The following PRKACB variants were observed in gnomAD, a reference collection of about 807,000 sequenced individuals.
The protein encoded by PRKACB is protein kinase cAMP-activated catalytic subunit beta.
PRKACB carries 16 observed loss-of-function variants against 51.4 expected under a neutral mutation model. That is an observed-to-expected ratio of 0.31 (90% CI 0.21 to 0.47). The LOEUF is 0.47. Ranked by LOEUF, PRKACB falls within the 20% of genes least tolerant of loss-of-function variation. The pLI is 1.00. For missense variants in PRKACB, 309 were observed against 464.5 expected, an observed-to-expected ratio of 0.67 and a Z score of 3.08; for synonymous variants, 147 against 154.4, an observed-to-expected ratio of 0.95 and a Z score of 0.35.
chr1:84,226,159 T>G (rs1212467566), intron 9 of PRKACB, among the ~76,000 whole-genome samples: 1 of 152,194 alleles, frequency 6.6e-6, no homozygotes, highest in Non-Finnish European at 1.5e-5. Flanking sequence ...TTGCCCCATA[T>G]GCATTATTTT....
intron 7 of PRKACB, among the ~76,000 whole-genome samples, chr1:84,198,892 G>GTA (rs923510581): frequency 1.2e-4 from 18 of 146,328 alleles, no homozygotes; most frequent in African/African-American, 3.3e-4. Flanking sequence ...GTATATATGT[G>GTA]TATATATATA....
chr1:84,110,973 A>G (rs371575881), intron 1 of PRKACB, among the ~76,000 whole-genome samples: 105 of 151,984 alleles, frequency 6.9e-4, no homozygotes, highest in African/African-American at 2.4e-3. Flanking sequence ...CTTCATTTCT[A>G]ATTTCACTGA....
At chr1:84,099,998 T>C (rs1259925727) in intron 1 of PRKACB, among the ~76,000 whole-genome samples, 1 of 152,104 alleles carries the variant, frequency 6.6e-6, no homozygotes, top group Non-Finnish European at 1.5e-5. Context: ...GTAGGGAACT[T>C]TATATTTGTC....
intron 8 of PRKACB, among the ~76,000 whole-genome samples, chr1:84,212,279 A>G (rs1221837719): frequency 6.7e-6 from 1 of 150,324 alleles, no homozygotes; most frequent in Admixed American, 6.6e-5. Context: ...AGGAATCTAC[A>G]TTTTTATCCT....
At chr1:84,105,000 C>T (rs1649618951) in intron 1 of PRKACB, among the ~76,000 whole-genome samples, 1 of 152,092 alleles carries the variant, frequency 6.6e-6, no homozygotes, top group African/African-American at 2.4e-5. Flanking sequence ...TAAAAAGTCT[C>T]AAGTGGGACT....
At chr1:84,161,308 T>G (rs1473757226) in intron 1 of PRKACB, among the ~76,000 whole-genome samples, 2 of 151,914 alleles carry the variant, frequency 1.3e-5, no homozygotes, top group Non-Finnish European at 2.9e-5. Flanking sequence ...ACTGTTTGCA[T>G]GATGAATCTT....
chr1:84,090,986 AAT>A (rs1648419153), intron 1 of PRKACB, among the ~76,000 whole-genome samples: 1 of 152,060 alleles, frequency 6.6e-6, no homozygotes, highest in African/African-American at 2.4e-5. Context: ...TATGTATAAT[AAT>A]ATGTCTTCTC....
At chr1:84,141,055 A>G (rs1558008089), upstream of PRKACB, among the ~76,000 whole-genome samples, 1 of 152,090 alleles carries the variant, frequency 6.6e-6, no homozygotes, top group African/African-American at 2.4e-5. Flanking sequence ...AAAGAAACCA[A>G]TATTTTGTGG....
chr1:84,115,294 G>C (rs544179178), intron 1 of PRKACB, among the ~76,000 whole-genome samples: 2 of 151,496 alleles, frequency 1.3e-5, no homozygotes, highest in Non-Finnish European at 2.9e-5. Flanking sequence ...TAGTGATGTT[G>C]AGCATTTTTC....
chr1:84,187,765 C>G (rs1665606541), intron 5 of PRKACB, among the ~76,000 whole-genome samples: 1 of 152,038 alleles, frequency 6.6e-6, no homozygotes. Context: ...AAACTTTTTT[C>G]TCTACATTGA....
intron 9 of PRKACB, 86 bp from the exon 10 acceptor site, chr1:84,235,094 A>G: frequency 7.2e-7 from 1 of 1,397,318 alleles, no homozygotes; most frequent in Non-Finnish European, 9.8e-7. Flanking sequence ...GTGTAATAAC[A>G]GTGGGAATTT....
intron 5 of PRKACB, among the ~76,000 whole-genome samples, chr1:84,191,935 T>C (rs1211166851): frequency 6.6e-6 from 1 of 152,140 alleles, no homozygotes; most frequent in Non-Finnish European, 1.5e-5. Context: ...TTTATCCAAA[T>C]AGAATTCTTT....
intron 8 of PRKACB, among the ~76,000 whole-genome samples, chr1:84,212,268 C>T (rs911372721): frequency 1.3e-5 from 2 of 151,446 alleles, no homozygotes; most frequent in Non-Finnish European, 2.9e-5. Context: ...AGGCAAGCCA[C>T]AGGAATCTAC....
intron 9 of PRKACB, among the ~76,000 whole-genome samples, chr1:84,232,045 C>G (rs1434936981): frequency 1.3e-5 from 2 of 151,698 alleles, no homozygotes; most frequent in Non-Finnish European, 2.9e-5. Flanking sequence ...CCTGCTTTCT[C>G]TTGTGGGCAT....
At chr1:84,133,586 G>A (rs576215327) in intron 1 of PRKACB, among the ~76,000 whole-genome samples, 3 of 152,312 alleles carry the variant, frequency 2.0e-5, no homozygotes, top group Non-Finnish European at 4.4e-5. Context: ...CTAGTTGGCG[G>A]CTTTGGTCAG....
chr1:84,180,800 C>T (rs1663169491), intron 2 of PRKACB, among the ~76,000 whole-genome samples: 1 of 151,340 alleles, frequency 6.6e-6, no homozygotes, highest in African/African-American at 2.4e-5. Context: ...TAACATGAAA[C>T]AATAAGAGAG....
intron 1 of PRKACB, among the ~76,000 whole-genome samples, chr1:84,154,872 G>A (rs1655272995): frequency 6.6e-6 from 1 of 152,014 alleles, no homozygotes; most frequent in Non-Finnish European, 1.5e-5. Flanking sequence ...TTATGGAAGT[G>A]CTGTACTTCA....
intron 7 of PRKACB, among the ~76,000 whole-genome samples, chr1:84,199,203 C>T (rs114761566): frequency 0.013 from 1,905 of 150,972 alleles, 52 homozygotes; most frequent in African/African-American, 0.044. Flanking sequence ...TGGTTACAGA[C>T]GTAAACTCAT....
At chr1:84,126,350 C>T (rs2100910197) in intron 1 of PRKACB, among the ~76,000 whole-genome samples, 1 of 152,194 alleles carries the variant, frequency 6.6e-6, no homozygotes, top group East Asian at 1.9e-4. Flanking sequence ...GGATGGGGAG[C>T]TGGAAAGCGG....
Sources: gnomAD v4.1 joint callset for allele counts (sites outside exome capture counted in the v4.1 genomes callset) on GRCh38, gnomAD v4.1.1 for gene constraint, MANE v1.5 for transcripts, NCBI Gene and HGNC (gene_info 2026-07-23, HGNC 2026-07-21) for gene names.